Variants in DNAH5 observed in about 807,000 individuals in gnomAD.
DNAH5 encodes the protein dynein axonemal heavy chain 5.
DNAH5 carries 372 observed loss-of-function variants against 518.2 expected under a neutral mutation model. The ratio of observed to expected loss-of-function variants is 0.72; its 90% CI spans 0.66 to 0.78. DNAH5 has a LOEUF of 0.78. DNAH5 is among the 30% of genes least tolerant of loss of function. DNAH5 has a pLI of 0.00. For missense variants in DNAH5, 5,523 were observed against 5,687.0 expected, an observed-to-expected ratio of 0.97 and a Z score of 0.93; for synonymous variants, 2,039 against 2,025.9, an observed-to-expected ratio of 1.01 and a Z score of -0.17.
intron 68 of DNAH5, among the ~76,000 whole-genome samples, chr5:13,730,824 G>A (rs1561128394): frequency 1.3e-5 from 2 of 151,362 alleles, no homozygotes; most frequent in African/African-American, 4.9e-5. Context: ...CCTCAGCCTC[G>A]TGAGTAGCGG....
chr5:13,775,596 C>T (rs1437303353), intron 55 of DNAH5, among the ~76,000 whole-genome samples: 1 of 152,136 alleles, frequency 6.6e-6, no homozygotes, highest in Non-Finnish European at 1.5e-5. Context: ...ACTTTTTCCA[C>T]CTATGGCAAC....
chr5:13,750,017 G>A (rs1201979181), intron 65 of DNAH5, among the ~76,000 whole-genome samples: 1 of 152,086 alleles, frequency 6.6e-6, no homozygotes, highest in Non-Finnish European at 1.5e-5. Flanking sequence ...CCAACTTTAT[G>A]ACTCTGTGAT....
chr5:13,938,074 T>C (rs1262820550), intron 1 of DNAH5, among the ~76,000 whole-genome samples: 1 of 152,208 alleles, frequency 6.6e-6, no homozygotes, highest in Non-Finnish European at 1.5e-5. Context: ...TGGAGTAATG[T>C]GATAAAATCT....
At chr5:13,928,369 T>G (rs980644560) in intron 2 of DNAH5, among the ~76,000 whole-genome samples, 191 bp from the exon 3 acceptor site, 1 of 152,344 alleles carries the variant, frequency 6.6e-6, no homozygotes, top group East Asian at 1.9e-4. Flanking sequence ...TAGTAAAGAC[T>G]CTGTTCAAAA....
intron 70 of DNAH5, among the ~76,000 whole-genome samples, chr5:13,726,398 G>A (rs1470692151): frequency 1.3e-5 from 2 of 152,228 alleles, no homozygotes; most frequent in Non-Finnish European, 2.9e-5. Flanking sequence ...GGCCATGGCT[G>A]TGGTAAGTCC....
chr5:13,692,521 C>T (rs1199442084), intron 78 of DNAH5, among the ~76,000 whole-genome samples: 4 of 152,298 alleles, frequency 2.6e-5, no homozygotes, highest in East Asian at 1.9e-4. Context: ...GCATCCAGCA[C>T]CAGTGGGCAT....
intron 1 of DNAH5, among the ~76,000 whole-genome samples, chr5:13,961,307 G>C (rs1310875364): frequency 6.6e-6 from 1 of 152,186 alleles, no homozygotes; most frequent in African/African-American, 2.4e-5. Context: ...ACAAAAGTGA[G>C]TGTTCCTATT....
rs533067977 is a variant in DNAH5 at position 13,752,325 on chromosome 5, A to G, written c.10873-36T>C. ...GATCACAAGGTTGCTATTGGCAGAC[A>G]TTACCATGAAGCAATGCACAGGGAT... On this transcript the variant is annotated intron_variant, in intron 63 of 78. Transcript: ENST00000265104. 1.2e-5 allele frequency: 20 copies of G among 1,611,672 alleles called. 1 individual carries two copies. The East Asian group carries it at 4.5e-4, about 36-fold the overall frequency.
intron 47 of DNAH5, among the ~76,000 whole-genome samples, chr5:13,799,266 G>A (rs575902394): frequency 1.1e-3 from 164 of 147,188 alleles, no homozygotes; most frequent in African/African-American, 4.1e-3. Context: ...TCTTTTCAAT[G>A]AATTGAAATG....
At chr5:13,749,808 T>C (rs888726864) in intron 65 of DNAH5, among the ~76,000 whole-genome samples, 1 of 152,166 alleles carries the variant, frequency 6.6e-6, no homozygotes, top group Non-Finnish European at 1.5e-5. Flanking sequence ...CTGAAGTAAT[T>C]ACATGACAAT....
intron 19 of DNAH5, among the ~76,000 whole-genome samples, chr5:13,884,414 CTATT>C (rs1772092622): frequency 6.6e-6 from 1 of 152,162 alleles, no homozygotes; most frequent in Non-Finnish European, 1.5e-5. Context: ...CTTAAGCAAA[CTATT>C]TAACCTCCCT....
At chr5:13,876,584 T>A in intron 22 of DNAH5, 100 bp downstream of exon 22, 1 of 1,415,394 alleles carries the variant, frequency 7.1e-7, no homozygotes, top group Non-Finnish European at 9.7e-7. Flanking sequence ...GCACAGTGTG[T>A]GAGACCCAGG....
Position 13,871,636 on chromosome 5 carries a change from A to G in DNAH5, c.3526T>C (p.Phe1176Leu), listed in dbSNP as rs779614460. 1 of 1,613,842 alleles carries G rather than the reference A, an allele frequency of 6.2e-7. No homozygotes were observed. Among genetic ancestry groups the G allele is most frequent in the Non-Finnish European group, 8.5e-7 (1 of 1,179,814 alleles). ...LSEFESQILY[F>L]QNLEQEINAE... Reference sequence around the variant, plus strand: ...TTAATTTCCTGCTCTAGGTTTTGGAAATAGAGAATCTGGGACTCAAATTCA... The same window carrying G: ...TTAATTTCCTGCTCTAGGTTTTGGAGATAGAGAATCTGGGACTCAAATTCA... Residue 1176 changes from phenylalanine (F) to leucine (L), a missense_variant, in exon 23 of 79, where the codon TTC (phenylalanine) becomes CTC (leucine). Phe to Leu is a conservative substitution (Grantham distance 22). This residue lies in a region of DNAH5 where 5,121 missense variants were observed against 5,223.3 expected (regional missense o/e 0.98). Coordinates refer to ENST00000265104, the MANE Select transcript of DNAH5 (RefSeq NM_001369.3).
intron 30 of DNAH5, among the ~76,000 whole-genome samples, chr5:13,856,587 C>A (rs568288462): frequency 1.3e-5 from 2 of 152,264 alleles, no homozygotes; most frequent in South Asian, 4.2e-4. Context: ...AGGCCAATAT[C>A]TCTTATGAAC....
intron 42 of DNAH5, among the ~76,000 whole-genome samples, chr5:13,817,294 A>G (rs975760330): frequency 6.6e-6 from 1 of 152,206 alleles, no homozygotes; most frequent in African/African-American, 2.4e-5. Flanking sequence ...TTTTCCATCT[A>G]TTTTATTCTA....
Position 13,766,130 on chromosome 5 carries a change from G to C in DNAH5, c.9947C>G (p.Pro3316Arg), listed in dbSNP as rs1752484513. 1.9e-6 allele frequency: 3 copies of C among 1,614,194 alleles called. No individual in the cohort carries two copies. Among genetic ancestry groups the C allele is most frequent in the African/African-American group, 1.3e-5 (1 of 75,052 alleles). Reference protein sequence around the residue: ...IATVRTLGRPPHLIMRIMDCV... With the variant: ...IATVRTLGRPRHLIMRIMDCV... Reference sequence around the variant, plus strand: ...ATCCATGATCCGCATGATGAGGTGAGGGGGGCGGCCCAACGTGCGAACAGT... The same window carrying C: ...ATCCATGATCCGCATGATGAGGTGACGGGGGCGGCCCAACGTGCGAACAGT... The change falls in exon 59 of 79, where the codon CCT (proline) becomes CGT (arginine). Residue 3316 changes from proline to arginine, a missense_variant. Around this residue, in one of 3 missense-constraint regions of DNAH5, gnomAD observed 5,121 missense variants for 5,223.3 expected, o/e 0.98. Coordinates refer to ENST00000265104, the MANE Select transcript of DNAH5 (RefSeq NM_001369.3).
chr5:13,954,694 T>A (rs1219905968), intron 1 of DNAH5, among the ~76,000 whole-genome samples: 1 of 152,190 alleles, frequency 6.6e-6, no homozygotes, highest in Non-Finnish European at 1.5e-5. Flanking sequence ...GGGTTAACAC[T>A]CGAATCTGTT....
At chr5:13,877,831 A>T (rs1180544186) in intron 21 of DNAH5, among the ~76,000 whole-genome samples, 1 of 152,200 alleles carries the variant, frequency 6.6e-6, no homozygotes, top group East Asian at 1.9e-4. Context: ...GATTAGACAC[A>T]CAAGAGTCTC....
chr5:13,701,185 G>C (rs1742059232), intron 77 of DNAH5, 99 bp downstream of exon 77: 3 of 1,527,466 alleles, frequency 2.0e-6, no homozygotes, highest in South Asian at 1.1e-5. Context: ...AAAAGAGACA[G>C]TCATTCTCTG....
Sources: gnomAD v4.1 joint callset for allele counts (sites outside exome capture counted in the v4.1 genomes callset) on GRCh38, gnomAD v4.1.1 for gene constraint, gnomAD v4.1.1 regional missense constraint, MANE v1.5 for transcripts, NCBI Gene and HGNC (gene_info 2026-07-23, HGNC 2026-07-21) for gene names.